The following FAM117B variants were observed in gnomAD, a reference collection of about 807,000 sequenced individuals.
FAM117B encodes the protein protein FAM117B.
Under a neutral mutation model 52.8 loss-of-function variants are expected in FAM117B, and 22 were observed. The ratio of observed to expected loss-of-function variants is 0.42; its 90% CI spans 0.30 to 0.59. The LOEUF is 0.59. Among genes scored for constraint, FAM117B ranks in the 20% least tolerant of loss-of-function variants. The pLI, the probability that FAM117B is intolerant of heterozygous loss-of-function variation, is 0.22. For synonymous variants in FAM117B, 309 were observed against 324.1 expected, an observed-to-expected ratio of 0.95 and a Z score of 0.50; for missense variants, 678 against 802.6, an observed-to-expected ratio of 0.84 and a Z score of 1.88.
chr2:202,687,256 A>G (rs1574555952), intron 1 of FAM117B, among the ~76,000 whole-genome samples: 1 of 152,336 alleles, frequency 6.6e-6, no homozygotes, highest in East Asian at 1.9e-4. Flanking sequence ...ACCTTTAATA[A>G]TAGGAAGTAG....
In FAM117B at chr2:202,635,251, G is replaced by A; in HGVS notation, c.64G>A (p.Val22Met). ...TPAGSLGGGAVATAGGPGSRL... is the reference protein window; with the variant it reads ...TPAGSLGGGAMATAGGPGSRL... ...GGCCGGCTCCCTTGGGGGTGGTGCG[G>A]TGGCCACGGCCGGGGGACCCGGGAG... Residue 22 changes from valine to methionine, a missense_variant, in exon 1 of 8, where the codon GTG (valine) becomes ATG (methionine). Coordinates refer to ENST00000392238, the MANE Select transcript of FAM117B (RefSeq NM_173511.4). 1 of 1,362,126 alleles carries A rather than the reference G, an allele frequency of 7.3e-7. No individual in the cohort carries two copies. The allele number at this position is 1,362,126 out of a possible 1,614,324, so 84.4% of individuals were successfully genotyped here.
rs762796324 is a variant in FAM117B at position 202,696,005 on chromosome 2, A to G, written c.726A>G (p.Ala242=). The G allele has an allele frequency of 3.1e-6, 5 of 1,614,136 alleles. No homozygotes were observed. The Admixed American group carries it at 6.7e-5, about 22-fold the overall frequency. Residue 242 remains alanine, a synonymous_variant, in exon 2 of 8, where the codon GCA becomes GCG. Transcript: ENST00000392238. ...HWPRDSHGQA[A]PCMRDKATQT... ...CTCGGGATAGCCATGGGCAAGCTGCACCTTGCATGAGGGACAAAGCTACAC... is the reference window on the plus strand; with the variant it reads ...CTCGGGATAGCCATGGGCAAGCTGCGCCTTGCATGAGGGACAAAGCTACAC...
chr2:202,723,516 T>C (rs1691184390), intron 2 of FAM117B, among the ~76,000 whole-genome samples: 1 of 152,222 alleles, frequency 6.6e-6, no homozygotes, highest in African/African-American at 2.4e-5. Context: ...GCAGTTGCTA[T>C]ACACACGGTA....
rs578048653 is a variant in FAM117B at position 202,721,446 on chromosome 2, G to A, written c.754-3471G>A. 3.3e-5 allele frequency among the ~76,000 whole-genome samples: 5 copies of A among 151,910 alleles called. 1 individual carries two copies. The highest frequency in any genetic ancestry group is 1.2e-4 in the African/African-American group (5 of 41,402). ...TCATTTTTTTCATCAAAAAATATTT[G>A]CATTCTTTCATATATCTTTATGACC... is the stretch of plus-strand genomic sequence containing the variant. On this transcript the variant is annotated intron_variant, in intron 2 of 7. Coordinates refer to ENST00000392238, the MANE Select transcript of FAM117B (RefSeq NM_173511.4).
intron 1 of FAM117B, among the ~76,000 whole-genome samples, chr2:202,685,880 C>CT (rs1426839447): frequency 1.3e-5 from 2 of 152,156 alleles, no homozygotes; most frequent in Non-Finnish European, 2.9e-5. Flanking sequence ...AGGCAAAGGT[C>CT]TTTTAGGACA....
At chr2:202,755,430 G>T in intron 4 of FAM117B, 108 bp from the exon 5 acceptor site, 1 of 1,411,738 alleles carries the variant, frequency 7.1e-7, no homozygotes. Context: ...TGTGAGGCCT[G>T]TAAACTTTGA....
At position 202,644,053 on chromosome 2, in the gene FAM117B, G is replaced by GTTTTTTTT. The variant is rs1219743876; in HGVS notation, c.601+8268_601+8275dup. On this transcript the variant is annotated intron_variant, in intron 1 of 7. Transcript: ENST00000392238. ...ATGCTATACTACTGCTTTAGGAGCT[G>GTTTTTTTT]TTTTTTTTTTGTTTTTTTTTTTTTT... 8.5e-4 allele frequency among the ~76,000 whole-genome samples: 51 copies of GTTTTTTTT among 60,122 alleles called. 2 individuals carry two copies. The highest frequency in any genetic ancestry group is 3.3e-3 in the African/African-American group (42 of 12,548). 39.4% of individuals were successfully genotyped at this position (60,122 alleles called of 152,430 possible).
chr2:202,683,839 A>G (rs1193551751), intron 1 of FAM117B, among the ~76,000 whole-genome samples: 1 of 152,140 alleles, frequency 6.6e-6, no homozygotes, highest in African/African-American at 2.4e-5. Context: ...CCACACAGAC[A>G]TTGTAAGAAA....
chr2:202,709,392 G>A (rs926068447), intron 2 of FAM117B, among the ~76,000 whole-genome samples: 1 of 151,992 alleles, frequency 6.6e-6, no homozygotes, highest in African/African-American at 2.4e-5. Context: ...ATTAGAGATG[G>A]GGTTTCATCA....
At chr2:202,689,504 C>G (rs1045537580) in intron 1 of FAM117B, among the ~76,000 whole-genome samples, 24 of 152,144 alleles carry the variant, frequency 1.6e-4, no homozygotes, top group African/African-American at 5.5e-4. Context: ...TCTTAGGTTT[C>G]TTTATGCTGA....
chr2:202,683,841 T>G, intron 1 of FAM117B, among the ~76,000 whole-genome samples: 1 of 152,230 alleles, frequency 6.6e-6, no homozygotes, highest in Non-Finnish European at 1.5e-5. Flanking sequence ...ACACAGACAT[T>G]GTAAGAAAAC....
chr2:202,713,385 CCT>C (rs1186454461), intron 2 of FAM117B, among the ~76,000 whole-genome samples: 1 of 152,078 alleles, frequency 6.6e-6, no homozygotes, highest in South Asian at 2.1e-4. Context: ...TCTACTTTTC[CCT>C]CTCTGATTTT....
intron 1 of FAM117B, among the ~76,000 whole-genome samples, chr2:202,644,140 C>T (rs909945613): frequency 7.9e-6 from 1 of 127,002 alleles, no homozygotes; most frequent in East Asian, 2.5e-4. Context: ...ACTTAATTCT[C>T]TAATCACCAT....
chr2:202,681,851 C>A lies in FAM117B; in HGVS notation c.602-14030C>A, dbSNP rs541752928. 1.2e-4 allele frequency among the ~76,000 whole-genome samples: 18 copies of A among 152,320 alleles called. 1 individual carries two copies. The highest frequency in any genetic ancestry group is 3.4e-3 in the Middle Eastern group (1 of 294). On this transcript the variant is annotated intron_variant, in intron 1 of 7. Transcript: ENST00000392238. The stretch of plus-strand genomic sequence containing the variant: ...ACTGAAAAAGCCTGGTACTATATGG[C>A]CCAGTGTGAGAACTGACATCCCTGT...
chr2:202,711,487 C>A (rs752982051), intron 2 of FAM117B, among the ~76,000 whole-genome samples: 15 of 152,124 alleles, frequency 9.9e-5, no homozygotes, highest in Non-Finnish European at 2.1e-4. Context: ...TTCTCCCATT[C>A]TTTGGGTTGT....
chr2:202,768,448 G>GA lies in FAM117B; in HGVS notation c.*2685dup, dbSNP rs1417164754. The GA allele has an allele frequency of 6.6e-6, 1 of 152,542 alleles. No homozygotes were observed. Among genetic ancestry groups the GA allele is most frequent in the Admixed American group, 6.5e-5 (1 of 15,272 alleles). The allele number at this position is 152,542 out of a possible 1,614,324, so 9.4% of individuals were successfully genotyped here. On this transcript the variant is annotated 3_prime_UTR_variant, in exon 8 of 8. Transcript: ENST00000392238. ...AACCAGACAGATCCCTGGGGTTTGG[G>GA]AGAAATAGAGCTTGAGATTTGAAAA...
At chr2:202,701,474 T>G (rs930929137) in intron 2 of FAM117B, among the ~76,000 whole-genome samples, 1 of 152,230 alleles carries the variant, frequency 6.6e-6, no homozygotes, top group Non-Finnish European at 1.5e-5. Context: ...CTTTCCAGTC[T>G]TATTATTAAG....
At chr2:202,680,941 A>G (rs190730866) in intron 1 of FAM117B, among the ~76,000 whole-genome samples, 70 of 152,318 alleles carry the variant, frequency 4.6e-4, no homozygotes, top group African/African-American at 1.5e-3. Flanking sequence ...TTTGGACATT[A>G]TTTGATTTAT....
At chr2:202,673,516 C>T (rs1468825203) in intron 1 of FAM117B, among the ~76,000 whole-genome samples, 6 of 125,280 alleles carry the variant, frequency 4.8e-5, no homozygotes, top group Admixed American at 9.9e-5. Context: ...GGTGCAATCT[C>T]GGCTCACTGC....
Sources: gnomAD v4.1 joint callset for allele counts (sites outside exome capture counted in the v4.1 genomes callset) on GRCh38, gnomAD v4.1.1 for gene constraint, MANE v1.5 for transcripts, NCBI Gene and HGNC (gene_info 2026-07-23, HGNC 2026-07-21) for gene names.